The following FOXN3 variants were observed in gnomAD, a reference collection of about 807,000 sequenced individuals.
The protein encoded by FOXN3 is forkhead box N3.
A neutral mutation model predicts 38.4 loss-of-function variants in FOXN3; 7 were observed. The observed-to-expected ratio is 0.18, with a 90% CI of 0.10 to 0.34. FOXN3 has a LOEUF of 0.34. Among genes scored for constraint, FOXN3 ranks in the 10% least tolerant of loss-of-function variants. The pLI is 1.00. For missense variants in FOXN3, 456 were observed against 613.4 expected (o/e 0.74, Z 2.71); for synonymous variants, 230 against 242.2 (o/e 0.95, Z 0.47).
chr14:89,290,907 G>A, intron 3 of FOXN3: 1 of 295,258 alleles, frequency 3.4e-6, no homozygotes, highest in East Asian at 9.4e-5. Flanking sequence ...GGCCCTGGAG[G>A]AGGTGAGGAG....
Position 89,541,575 on chromosome 14 carries a change from AG to A in FOXN3, c.-15+77452del, listed in dbSNP as rs533494011. Among the ~76,000 whole-genome samples, 16 of 152,332 alleles carry A rather than the reference AG, an allele frequency of 1.1e-4. No individual in the cohort carries two copies. In the East Asian group the frequency reaches 3.1e-3, roughly 29 times the overall value. ...CCCCCCCTTGTTTAGCATATCATCA[AG>A]AAATAACTATAAAAATGGGCAGCCA... On this transcript the variant is annotated intron_variant, in intron 1 of 6. Coordinates refer to the FOXN3 transcript ENST00000345097.
chr14:89,521,266 C>T (rs920437065), intron 1 of FOXN3, among the ~76,000 whole-genome samples: 6 of 151,580 alleles, frequency 4.0e-5, no homozygotes, highest in Admixed American at 2.0e-4. Flanking sequence ...GCCAAGATTG[C>T]ACCACTGCAC....
intron 4 of FOXN3, among the ~76,000 whole-genome samples, chr14:89,210,561 C>T (rs552860835): frequency 8.5e-5 from 13 of 152,334 alleles, no homozygotes; most frequent in African/African-American, 2.2e-4. Flanking sequence ...TAGAGTTTTG[C>T]TTTGCTGCTC....
chr14:89,360,345 A>AGAGG (rs1356185686), intron 2 of FOXN3, among the ~76,000 whole-genome samples: 1 of 87,492 alleles, frequency 1.1e-5, no homozygotes, highest in Non-Finnish European at 2.6e-5. Flanking sequence ...AGAGGGAGAA[A>AGAGG]GAGAAAGGGA....
At chr14:89,446,133 A>G (rs932144127) in intron 1 of FOXN3, among the ~76,000 whole-genome samples, 17 of 143,136 alleles carry the variant, frequency 1.2e-4, no homozygotes, top group African/African-American at 4.1e-4. Flanking sequence ...AGTTGGGTCT[A>G]GAACCCAGGT....
Position 89,363,957 on chromosome 14 carries a change from T to TATA in FOXN3, c.544-13152_544-13150dup, listed in dbSNP as rs1191600025. Among the ~76,000 whole-genome samples, 9 of 4,566 alleles carry TATA rather than the reference T, an allele frequency of 2.0e-3. No homozygotes were observed. In the Admixed American group the frequency reaches 0.045, roughly 23 times the overall value. The allele number at this position is 4,566 out of a possible 152,430, so 3.0% of individuals were successfully genotyped here. A position where few individuals can be genotyped will look rare whatever the true frequency, so the allele number is the denominator to read the frequency against. ...AGACCCTGTCTGTAAAATATATATA[T>TATA]ATATATATATATATATATATATATA... On this transcript the variant is annotated intron_variant, in intron 2 of 5. Coordinates refer to ENST00000557258, the MANE Select transcript of FOXN3 (RefSeq NM_005197.4).
At chr14:89,415,978 T>G (rs1891702284) in intron 1 of FOXN3, among the ~76,000 whole-genome samples, 1 of 152,142 alleles carries the variant, frequency 6.6e-6, no homozygotes, top group Non-Finnish European at 1.5e-5. Flanking sequence ...TCTCGCCTAG[T>G]AAACAGAAGG....
chr14:89,399,890 T>C (rs993954217), intron 2 of FOXN3: 8 of 152,242 alleles, frequency 5.3e-5, no homozygotes, highest in African/African-American at 1.9e-4. Context: ...TTACTTTCCA[T>C]ATCAACTGCA....
At position 89,547,461 on chromosome 14, in the gene FOXN3, G is replaced by A. The variant is rs766033818; in HGVS notation, c.-15+71567C>T. Among the ~76,000 whole-genome samples the A allele has an allele frequency of 1.5e-4, 22 of 150,258 alleles. No individual in the cohort carries two copies. The South Asian group carries it at 1.5e-3, about 10-fold the overall frequency. Reference sequence around the variant, plus strand: ...GTTTGTTTGTTGTTTGTTTTTTGTGGGGTTTTTTGTATTTTTAGTAGAGAT... The same window carrying A: ...GTTTGTTTGTTGTTTGTTTTTTGTGAGGTTTTTTGTATTTTTAGTAGAGAT... On this transcript the variant is annotated intron_variant, in intron 1 of 6. Transcript: ENST00000345097.
chr14:89,442,127 T>C (rs1892400397), intron 1 of FOXN3, among the ~76,000 whole-genome samples: 1 of 152,094 alleles, frequency 6.6e-6, no homozygotes, highest in Admixed American at 6.6e-5. Flanking sequence ...AGTTTCTCCA[T>C]GTTGGTCAGG....
At chr14:89,511,218 T>C (rs1430291568) in intron 1 of FOXN3, among the ~76,000 whole-genome samples, 1 of 17,650 alleles carries the variant, frequency 5.7e-5, no homozygotes, top group Non-Finnish European at 3.2e-4. Flanking sequence ...TTTCTTTCTT[T>C]CTTTCTTTCT....
intron 1 of FOXN3, among the ~76,000 whole-genome samples, chr14:89,469,024 T>C (rs1893039980): frequency 6.6e-6 from 1 of 152,200 alleles, no homozygotes; most frequent in South Asian, 2.1e-4. Context: ...TCTCAAATTT[T>C]GCATCATATC....
intron 4 of FOXN3, among the ~76,000 whole-genome samples, chr14:89,247,314 G>T (rs1308677954): frequency 6.6e-6 from 1 of 152,108 alleles, no homozygotes; most frequent in Non-Finnish European, 1.5e-5. Flanking sequence ...CCAGTCAAAG[G>T]TTATTACATA....
intron 3 of FOXN3, among the ~76,000 whole-genome samples, chr14:89,283,610 G>A (rs1489316122): frequency 6.6e-6 from 1 of 152,166 alleles, no homozygotes; most frequent in African/African-American, 2.4e-5. Flanking sequence ...CAGCTCAAAA[G>A]CGGGGAGGGT....
chr14:89,437,805 G>A (rs1046807239), intron 1 of FOXN3, among the ~76,000 whole-genome samples: 1 of 152,146 alleles, frequency 6.6e-6, no homozygotes, highest in Non-Finnish European at 1.5e-5. Flanking sequence ...TCACATTACT[G>A]TAGGAACCCA....
chr14:89,581,234 C>T (rs2139910647), intron 1 of FOXN3, among the ~76,000 whole-genome samples: 1 of 152,022 alleles, frequency 6.6e-6, no homozygotes, highest in Non-Finnish European at 1.5e-5. Flanking sequence ...ATAATCCCAA[C>T]ATTTTGGGAG....
At chr14:89,586,243 A>T (rs963767244) in intron 1 of FOXN3, among the ~76,000 whole-genome samples, 4 of 152,194 alleles carry the variant, frequency 2.6e-5, no homozygotes, top group African/African-American at 4.8e-5. Flanking sequence ...TGCTGGGAAA[A>T]TATCCAAAAA....
chr14:89,455,556 C>A (rs576079784), intron 1 of FOXN3, among the ~76,000 whole-genome samples: 1 of 152,120 alleles, frequency 6.6e-6, no homozygotes, highest in African/African-American at 2.4e-5. Flanking sequence ...GGAGTAACGC[C>A]GAGGGCGCCC....
At chr14:89,179,503 C>A (rs1344884229) in intron 5 of FOXN3, among the ~76,000 whole-genome samples, 1 of 152,158 alleles carries the variant, frequency 6.6e-6, no homozygotes, top group Non-Finnish European at 1.5e-5. Flanking sequence ...AGGGATGGTA[C>A]CTTCAAGGGA....
Sources: gnomAD v4.1 joint callset for allele counts (sites outside exome capture counted in the v4.1 genomes callset) on GRCh38, gnomAD v4.1.1 for gene constraint, MANE v1.5 for transcripts, NCBI Gene and HGNC (gene_info 2026-07-23, HGNC 2026-07-21) for gene names.